ATG2B: variants seen among roughly 807,000 people sequenced by gnomAD.
ATG2B encodes autophagy related 2B.
A neutral mutation model predicts 241.3 loss-of-function variants in ATG2B; 121 were observed. The observed-to-expected ratio is 0.50, with a 90% CI of 0.43 to 0.58. ATG2B has a LOEUF of 0.58. Among genes scored for constraint, ATG2B ranks in the 20% least tolerant of loss-of-function variants. ATG2B has a pLI of 0.00. For missense variants in ATG2B, 2,306 were observed against 2,491.6 expected (o/e 0.93, Z 1.59); for synonymous variants, 858 against 876.6 (o/e 0.98, Z 0.37).
At position 96,315,394 on chromosome 14, in the gene ATG2B, G is replaced by C; in HGVS notation, c.3551C>G (p.Ser1184Cys). 3 of 1,613,790 alleles carry C rather than the reference G, an allele frequency of 1.9e-6. No individual in the cohort carries two copies. Among genetic ancestry groups the C allele is most frequent in the Non-Finnish European group, 2.5e-6 (3 of 1,179,760 alleles). The part of the protein sequence containing the change: ...AVKILSDKSE[S>C]NTKEFLIAVG... The stretch of plus-strand genomic sequence containing the variant: ...GTACAAAACACAAACCTTTGTATTG[G>C]ACTCTGATTTATCAGACAATATTTT... The change falls in exon 22 of 42, where the codon TCC (serine) becomes TGC (cysteine). Residue 1184 changes from serine to cysteine, a missense_variant. Transcript: ENST00000359933.
At position 96,308,266 on chromosome 14, in the gene ATG2B, ATATATATATATATATATTT is replaced by A. The variant is rs1887042349; in HGVS notation, c.4303+1168_4303+1186del. Among the ~76,000 whole-genome samples the A allele has an allele frequency of 2.1e-3, 32 of 15,536 alleles. 1 individual carries two copies. Among genetic ancestry groups the A allele is most frequent in the African/African-American group, 6.3e-3 (24 of 3,780 alleles). 10.2% of individuals were successfully genotyped at this position (15,536 alleles called of 152,430 possible). On this transcript the variant is annotated intron_variant, in intron 29 of 41. Transcript: ENST00000359933. ...TATATATATATACACACATATATATATATATATATATATATATTTTTTTTTTTTTTTTTTTTGAGACAGA... is the reference window on the plus strand; with the variant it reads ...TATATATATATACACACATATATATATTTTTTTTTTTTTTTTTGAGACAGA...
rs1473341782 is a variant in ATG2B at position 96,317,859 on chromosome 14, T to A, written c.2880-4A>T. On this transcript the variant is annotated splice_polypyrimidine_tract_variant and splice_region_variant and intron_variant, in intron 18 of 41. Coordinates refer to ENST00000359933, the MANE Select transcript of ATG2B (RefSeq NM_018036.7). ...CAGTAGCAAGTCATTAAAGATCCTATAAAGACAAAAGTTGAAAAATAAGTA... is the reference window on the plus strand; with the variant it reads ...CAGTAGCAAGTCATTAAAGATCCTAAAAAGACAAAAGTTGAAAAATAAGTA... The A allele has an allele frequency of 1.3e-6, 2 of 1,583,918 alleles. No individual in the cohort carries two copies. The highest frequency in any genetic ancestry group is 1.7e-6 in the Non-Finnish European group (2 of 1,164,514).
intron 3 of ATG2B, 89 bp downstream of exon 3, chr14:96,345,144 T>A (rs1320143539): frequency 1.1e-6 from 1 of 937,330 alleles, no homozygotes; most frequent in Non-Finnish European, 1.6e-6. Flanking sequence ...TCCATTCCAA[T>A]GGATTTGCCT....
Position 96,317,738 on chromosome 14 carries a change from G to A in ATG2B, c.2997C>T (p.Asn999=). The A allele has an allele frequency of 1.9e-6, 3 of 1,611,806 alleles. No homozygotes were observed. Among genetic ancestry groups the A allele is most frequent in the Non-Finnish European group, 2.5e-6 (3 of 1,178,602 alleles). ...ATTTAAATGCACTAAAACTATCTTT[G>A]TTGAAAGTATTAATGAGCTGACTGG... is the stretch of plus-strand genomic sequence containing the variant. The part of the protein sequence containing the change: ...SVASQLINTF[N]KDSFSAFKSA... The change falls in exon 19 of 42, where the codon AAC becomes AAT. Residue 999 remains asparagine (N), a synonymous_variant. Coordinates refer to ENST00000359933, the MANE Select transcript of ATG2B (RefSeq NM_018036.7).
intron 16 of ATG2B, among the ~76,000 whole-genome samples, chr14:96,323,535 T>A (rs1887511920): frequency 6.6e-6 from 1 of 152,238 alleles, no homozygotes; most frequent in Non-Finnish European, 1.5e-5. Context: ...ATACATATCC[T>A]AATATAAATT....
Position 96,291,655 on chromosome 14 carries a change from G to A in ATG2B, c.5524C>T (p.Leu1842=), listed in dbSNP as rs986172095. The A allele has an allele frequency of 6.2e-7, 1 of 1,608,014 alleles. No individual in the cohort carries two copies. The highest frequency in any genetic ancestry group is 8.5e-7 in the Non-Finnish European group (1 of 1,176,176). ...AGTTCAGAGCAGTTTAACTGAGCCA[G>A]ACCAATCAAAATCCCAGCTAGCGTA... ...QGTLAGILIG[L]AQLNCSELKL... Residue 1842 remains leucine, a synonymous_variant, in exon 38 of 42, where the codon CTG becomes TTG. Transcript: ENST00000359933.
chr14:96,305,506 C>T (rs144984686), intron 31 of ATG2B, 83 bp downstream of exon 31: 3 of 934,676 alleles, frequency 3.2e-6, no homozygotes, highest in African/African-American at 3.4e-5. Context: ...TTTTTTCTCT[C>T]TAAAGGGGAA....
chr14:96,310,734 T>C (rs1208673190), intron 28 of ATG2B, among the ~76,000 whole-genome samples: 3 of 152,226 alleles, frequency 2.0e-5, no homozygotes, highest in Non-Finnish European at 4.4e-5. Context: ...AATATGATGA[T>C]ATAAGTAAGT....
intron 1 of ATG2B, among the ~76,000 whole-genome samples, chr14:96,353,756 C>G (rs1421660921): frequency 6.6e-6 from 1 of 151,636 alleles, no homozygotes; most frequent in Non-Finnish European, 1.5e-5. Flanking sequence ...TAAACAATTT[C>G]AATTTATATG....
intron 6 of ATG2B, among the ~76,000 whole-genome samples, chr14:96,338,628 C>T (rs1887928974): frequency 6.6e-6 from 1 of 152,214 alleles, no homozygotes; most frequent in East Asian, 1.9e-4. Flanking sequence ...TCACCCTATA[C>T]AAGAATCAAC....
intron 18 of ATG2B, among the ~76,000 whole-genome samples, chr14:96,319,333 G>A (rs1887398721): frequency 6.6e-6 from 1 of 152,208 alleles, no homozygotes; most frequent in South Asian, 2.1e-4. Flanking sequence ...CAATGCTTAA[G>A]ATACATAAGG....
chr14:96,299,683 T>C (rs1356914091), intron 34 of ATG2B, among the ~76,000 whole-genome samples: 1 of 152,186 alleles, frequency 6.6e-6, no homozygotes, highest in East Asian at 1.9e-4. Flanking sequence ...CAGATGGAAC[T>C]CATTCCATCT....
chr14:96,330,433 C>T (rs936188178), intron 11 of ATG2B, among the ~76,000 whole-genome samples: 1 of 152,150 alleles, frequency 6.6e-6, no homozygotes, highest in African/African-American at 2.4e-5. Flanking sequence ...TTATAGATCA[C>T]TTTCACATTA....
chr14:96,279,598 G>A lies in ATG2B; in HGVS notation c.*6157C>T, dbSNP rs1886143141. 6.6e-6 allele frequency: 1 copy of A among 152,464 alleles called. No individual in the cohort carries two copies. Among genetic ancestry groups the A allele is most frequent in the Non-Finnish European group, 1.5e-5 (1 of 68,100 alleles). 9.4% of individuals were successfully genotyped at this position (152,464 alleles called of 1,614,324 possible). ...AAAAAAAGGAAAGCATGCTATAGTG[G>A]GAAACAGAGAGGAAGGGAGGGTGGC... On this transcript the variant is annotated 3_prime_UTR_variant, in exon 42 of 42. Coordinates refer to ENST00000359933, the MANE Select transcript of ATG2B (RefSeq NM_018036.7).
At chr14:96,293,995 G>A (rs1241559892) in intron 36 of ATG2B, among the ~76,000 whole-genome samples, 1 of 152,142 alleles carries the variant, frequency 6.6e-6, no homozygotes, top group Non-Finnish European at 1.5e-5. Flanking sequence ...GATCAATGTA[G>A]GAAATTAATT....
rs559999403 is a variant in ATG2B, at chr14:96,290,287, A to C, written c.5856+149T>G. 3.1e-6 allele frequency: 4 copies of C among 1,280,782 alleles called. No individual in the cohort carries two copies. Among genetic ancestry groups the C allele is most frequent in the African/African-American group, 1.5e-5 (1 of 67,734 alleles). 79.3% of individuals were successfully genotyped at this position (1,280,782 alleles called of 1,614,324 possible). On this transcript the variant is annotated intron_variant, in intron 40 of 41. Transcript: ENST00000359933. This position sits in a 1 kb window ranked among gnomAD's most constrained non-coding sequence, Gnocchi z 4.4. ...ATTATTTAACACTAAACATTTAAGCAATAAAACAAGCATGACATTAAATCA... is the reference window on the plus strand; with the variant it reads ...ATTATTTAACACTAAACATTTAAGCCATAAAACAAGCATGACATTAAATCA...
intron 23 of ATG2B, 34 bp downstream of exon 23, chr14:96,315,119 TA>T: frequency 6.6e-7 from 1 of 1,517,250 alleles, no homozygotes; most frequent in Non-Finnish European, 9.0e-7. Context: ...CACAAATTTT[TA>T]AATAAATTAA....
Position 96,290,197 on chromosome 14 carries a change from T to G in ATG2B, c.5856+239A>C. On this transcript the variant is annotated intron_variant, in intron 40 of 41. Coordinates refer to ENST00000359933, the MANE Select transcript of ATG2B (RefSeq NM_018036.7). The surrounding 1 kb of genome is among the most constrained non-coding windows in gnomAD (Gnocchi z 4.4). ...TGGTGAAATCAATCCTCTGCTAACT[T>G]AATGTTTACAATTTACCTGAAATAG... The G allele has an allele frequency of 7.7e-7, 1 of 1,306,292 alleles. No individual in the cohort carries two copies. Among genetic ancestry groups the G allele is most frequent in the Non-Finnish European group, 9.8e-7 (1 of 1,025,058 alleles). 80.9% of individuals were successfully genotyped at this position (1,306,292 alleles called of 1,614,324 possible).
chr14:96,316,416 G>T, intron 21 of ATG2B, 117 bp downstream of exon 21: 1 of 992,966 alleles, frequency 1.0e-6, no homozygotes, highest in Non-Finnish European at 1.5e-6. Flanking sequence ...CAGAATGAGA[G>T]CCCTCCACAG....
Sources: gnomAD v4.1 joint callset for allele counts (sites outside exome capture counted in the v4.1 genomes callset) on GRCh38, gnomAD v4.1.1 for gene constraint, Gnocchi (gnomAD v3.1) non-coding constraint, MANE v1.5 for transcripts, NCBI Gene and HGNC (gene_info 2026-07-23, HGNC 2026-07-21) for gene names.